BABAM2: variants seen among roughly 807,000 people sequenced by gnomAD.
BABAM2 encodes BRISC and BRCA1 A complex member 2.
In BABAM2, 31 loss-of-function variants were observed where a neutral mutation model predicts 54.7. That is an observed-to-expected ratio of 0.57 (90% CI 0.43 to 0.77). The LOEUF is 0.77. Ranked by LOEUF, BABAM2 falls within the 30% of genes least tolerant of loss-of-function variation. The pLI, the probability that BABAM2 is intolerant of heterozygous loss-of-function variation, is 0.00. For synonymous variants in BABAM2, 167 were observed against 162.9 expected (o/e 1.03, Z -0.19); for missense variants, 364 against 455.8 (o/e 0.80, Z 1.83).
intron 4 of BABAM2, among the ~76,000 whole-genome samples, chr2:27,992,221 A>T (rs1672834568): frequency 6.6e-6 from 1 of 152,204 alleles, no homozygotes; most frequent in African/African-American, 2.4e-5. Flanking sequence ...CCCATTTAAA[A>T]ATTGGATTGT....
At chr2:27,983,942 C>CTTTTTTTTTTTCTTTTTTTTTTTTTTT (rs1672199989) in intron 3 of BABAM2, among the ~76,000 whole-genome samples, 1 of 31,138 alleles carries the variant, frequency 3.2e-5, no homozygotes, top group Admixed American at 2.9e-4. Flanking sequence ...CATTTTGTAC[C>CTTTTTTTTTTTCTTTTTTTTTTTTTTT]TTTTTTTTTT....
At chr2:28,280,441 G>A (rs1486853404) in intron 10 of BABAM2, among the ~76,000 whole-genome samples, 1 of 152,042 alleles carries the variant, frequency 6.6e-6, no homozygotes, top group African/African-American at 2.4e-5. Flanking sequence ...CAGTGGTCTA[G>A]AGTCCCATGG....
rs565865364 is a variant in BABAM2, at chr2:28,157,589, G to T, written c.680+28209G>T. Among the ~76,000 whole-genome samples the T allele has an allele frequency of 2.0e-5, 3 of 152,224 alleles. No homozygotes were observed. In the South Asian group the frequency reaches 6.2e-4, roughly 32 times the overall value. On this transcript the variant is annotated intron_variant, in intron 7 of 11. Transcript: ENST00000379624. ...TCATCAATCAAGTTTGGACCCAAATGTATTAACCCTGTTCAGCAAATTATT... is the reference window on the plus strand; with the variant it reads ...TCATCAATCAAGTTTGGACCCAAATTTATTAACCCTGTTCAGCAAATTATT...
chr2:28,235,715 G>A (rs1681843143), intron 7 of BABAM2, among the ~76,000 whole-genome samples: 1 of 152,126 alleles, frequency 6.6e-6, no homozygotes, highest in Non-Finnish European at 1.5e-5. Flanking sequence ...AGGGTACAGA[G>A]GCACGATCTC....
At chr2:28,272,516 C>T (rs1057054817) in intron 10 of BABAM2, among the ~76,000 whole-genome samples, 1 of 152,200 alleles carries the variant, frequency 6.6e-6, no homozygotes, top group African/African-American at 2.4e-5. Context: ...TGGTGTAATT[C>T]AGAACAGTCA....
chr2:28,292,577 A>G (rs931011763), intron 10 of BABAM2, among the ~76,000 whole-genome samples: 2 of 152,168 alleles, frequency 1.3e-5, no homozygotes, highest in African/African-American at 2.4e-5. Context: ...TAGTTCAGGG[A>G]TGATGAATCC....
In BABAM2 at chr2:28,261,667, A is replaced by G. The variant is rs115582903; in HGVS notation, c.934+16805A>G. ...ACTTAGAATTTTTATGTATATGATC[A>G]TGTCATCTGCAGATGACAGTTTTAC... On this transcript the variant is annotated intron_variant, in intron 10 of 11. Transcript: ENST00000379624. Among the ~76,000 whole-genome samples the G allele has an allele frequency of 7.5e-3, 1,146 of 152,064 alleles. 9 individuals are homozygous for G. Among genetic ancestry groups the G allele is most frequent in the African/African-American group, 0.026 (1,090 of 41,492 alleles).
chr2:28,128,003 C>T (rs758863002), intron 6 of BABAM2, among the ~76,000 whole-genome samples: 1 of 151,764 alleles, frequency 6.6e-6, no homozygotes, highest in Non-Finnish European at 1.5e-5. Context: ...TAGTAGAGAC[C>T]GGGTTTCACC....
intron 11 of BABAM2, among the ~76,000 whole-genome samples, chr2:28,320,570 C>T (rs2148306993): frequency 6.6e-6 from 1 of 152,340 alleles, no homozygotes; most frequent in African/African-American, 2.4e-5. Flanking sequence ...ATTACTACTC[C>T]ACGTTGCCAG....
rs189478676 is a variant in BABAM2, at chr2:27,898,318, T to C, written c.128+3634T>C. 7.2e-5 allele frequency among the ~76,000 whole-genome samples: 11 copies of C among 152,272 alleles called. No homozygotes were observed. In the East Asian group the frequency reaches 1.9e-3, roughly 27 times the overall value. The stretch of plus-strand genomic sequence containing the variant: ...TCTTCTGGACCTAGCCTATCTTGCA[T>C]TTTACTGCTAGGAACAAACACATTA... On this transcript the variant is annotated intron_variant, in intron 2 of 11. Transcript: ENST00000379624.
chr2:28,089,146 A>C (rs776538677), intron 6 of BABAM2, among the ~76,000 whole-genome samples: 9 of 152,074 alleles, frequency 5.9e-5, no homozygotes, highest in Non-Finnish European at 1.3e-4. Context: ...TCTGTGATTC[A>C]GTGAGGAAAG....
chr2:28,322,151 C>A lies in BABAM2; in HGVS notation c.1089-16299C>A, dbSNP rs1171480615. Among the ~76,000 whole-genome samples, 1 of 152,050 alleles carries A rather than the reference C, an allele frequency of 6.6e-6. No individual in the cohort carries two copies. The highest frequency in any genetic ancestry group is 1.5e-5 in the Non-Finnish European group (1 of 68,022). On this transcript the variant is annotated intron_variant, in intron 11 of 11. Transcript: ENST00000379624. The surrounding 1 kb of genome is among the most constrained non-coding windows in gnomAD (Gnocchi z 4.1). ...ACTCAGAAGCCTCCAGTGTTTATAC[C>A]ACTGAGACTGGGGCAGAGTAGTCTG...
rs556080893 is a variant in BABAM2, at chr2:28,264,761, A to G, written c.934+19899A>G. On this transcript the variant is annotated intron_variant, in intron 10 of 11. Transcript: ENST00000379624. ...TTTTCTGGGAGGTGAACAGCCCAAG[A>G]TTGCAGACTCAGTGGACTCCACAGA... is the stretch of plus-strand genomic sequence containing the variant. Among the ~76,000 whole-genome samples, 41 of 152,318 alleles carry G rather than the reference A, an allele frequency of 2.7e-4. 1 individual carries two copies. The South Asian group carries it at 8.5e-3, about 32-fold the overall frequency.
chr2:28,045,104 T>C (rs960452180), intron 5 of BABAM2, among the ~76,000 whole-genome samples: 3 of 152,222 alleles, frequency 2.0e-5, no homozygotes, highest in African/African-American at 7.2e-5. Context: ...CTATTATTTA[T>C]AGCTTAGTTA....
intron 11 of BABAM2, 152 bp downstream of exon 11, chr2:28,298,643 CTTA>C: frequency 1.0e-6 from 1 of 1,003,122 alleles, no homozygotes; most frequent in South Asian, 1.8e-5. Context: ...CATTTCTTTA[CTTA>C]TTATCTGTGG....
chr2:28,180,420 G>A (rs959886827), intron 7 of BABAM2, among the ~76,000 whole-genome samples: 10 of 151,686 alleles, frequency 6.6e-5, no homozygotes, highest in East Asian at 3.9e-4. Context: ...CATATGCCAC[G>A]GAACGAAACT....
chr2:28,156,683 T>C (rs1009747809), intron 7 of BABAM2, among the ~76,000 whole-genome samples: 1 of 152,158 alleles, frequency 6.6e-6, no homozygotes. Flanking sequence ...CATAAAAGGC[T>C]TATCTTATTT....
chr2:28,180,232 G>T (rs1675469851), intron 7 of BABAM2, among the ~76,000 whole-genome samples: 1 of 151,926 alleles, frequency 6.6e-6, no homozygotes, highest in Admixed American at 6.6e-5. Flanking sequence ...CAAGACTATG[G>T]TAATCAAAAC....
chr2:27,992,619 C>G (rs947295285), intron 4 of BABAM2, among the ~76,000 whole-genome samples: 5 of 152,092 alleles, frequency 3.3e-5, no homozygotes, highest in African/African-American at 1.2e-4. Context: ...AAGATGGAGT[C>G]TCCATTGTAA....
Sources: allele counts gnomAD v4.1 joint callset (sites outside exome capture counted in the v4.1 genomes callset), GRCh38; gene constraint gnomAD v4.1.1; non-coding constraint Gnocchi (gnomAD v3.1); transcripts MANE v1.5; gene names NCBI Gene and HGNC (gene_info 2026-07-23, HGNC 2026-07-21).